Variants in FLI1 observed in about 807,000 individuals in gnomAD.
The protein encoded by FLI1 is Friend leukemia integration 1 transcription factor.
A neutral mutation model predicts 53.1 loss-of-function variants in FLI1; 13 were observed. That is an observed-to-expected ratio of 0.24 (90% confidence interval 0.16 to 0.39). The LOEUF is 0.39. FLI1 is among the 10% of genes least tolerant of loss of function. FLI1 has a pLI of 1.00. For synonymous variants in FLI1, 244 were observed against 236.7 expected (o/e 1.03, Z -0.28); for missense variants, 424 against 600.5 (o/e 0.71, Z 3.07).
chr11:128,799,596 T>C (rs1182722624), intron 5 of FLI1, among the ~76,000 whole-genome samples: 1 of 152,184 alleles, frequency 6.6e-6, no homozygotes, highest in Non-Finnish European at 1.5e-5. Context: ...TTCGAAGTCC[T>C]ATCTCCTAAC....
intron 6 of FLI1, 54 bp downstream of exon 6, chr11:128,805,485 T>C (rs991293910): frequency 8.9e-7 from 1 of 1,129,670 alleles, no homozygotes; most frequent in Non-Finnish European, 1.3e-6. Flanking sequence ...GAGGACAGGA[T>C]TGGAGAACAG....
chr11:128,741,768 A>G (rs1176815173), intron 1 of FLI1, among the ~76,000 whole-genome samples: 2 of 152,164 alleles, frequency 1.3e-5, no homozygotes, highest in East Asian at 1.9e-4. Flanking sequence ...CTGTCCTCTG[A>G]AATCCCTTCC....
chr11:128,745,751 C>G (rs1264214231), intron 1 of FLI1, among the ~76,000 whole-genome samples: 1 of 152,224 alleles, frequency 6.6e-6, no homozygotes, highest in South Asian at 2.1e-4. Context: ...GGCTTGTGTG[C>G]GTGAGGCAGG....
intron 5 of FLI1, among the ~76,000 whole-genome samples, chr11:128,801,190 T>C (rs61910582): frequency 2.5e-3 from 386 of 152,350 alleles, no homozygotes; most frequent in South Asian, 6.4e-3. Flanking sequence ...CTTCTTCTCA[T>C]AGCAGGCACA....
intron 1 of FLI1, among the ~76,000 whole-genome samples, chr11:128,733,745 G>A (rs549902824): frequency 6.6e-5 from 10 of 152,348 alleles, no homozygotes; most frequent in African/African-American, 2.2e-4. Flanking sequence ...TTTCTCTGTT[G>A]TGCCCATCTG....
At chr11:128,712,911 C>T (rs1039406773) in intron 1 of FLI1, among the ~76,000 whole-genome samples, 1 of 152,238 alleles carries the variant, frequency 6.6e-6, no homozygotes, top group African/African-American at 2.4e-5. Flanking sequence ...TGCTACACCT[C>T]CTGTGGTTTT....
chr11:128,701,860 A>T (rs1014483222), intron 1 of FLI1, among the ~76,000 whole-genome samples: 4 of 152,186 alleles, frequency 2.6e-5, no homozygotes, highest in African/African-American at 9.6e-5. Flanking sequence ...ATTTCTAGAC[A>T]TTGTGTGGGT....
chr11:128,699,946 C>T (rs1938253806), intron 1 of FLI1, among the ~76,000 whole-genome samples: 1 of 152,182 alleles, frequency 6.6e-6, no homozygotes, highest in South Asian at 2.1e-4. Flanking sequence ...GTCTGTTAGG[C>T]AGGGACTAAA....
At chr11:128,799,555 G>A (rs144253434) in intron 5 of FLI1, among the ~76,000 whole-genome samples, 3 of 152,274 alleles carry the variant, frequency 2.0e-5, no homozygotes, top group East Asian at 1.9e-4. Context: ...GGCCAATGGC[G>A]GAGCTGGGAT....
At chr11:128,687,473 C>G (rs1179389726) in intron 1 of FLI1, among the ~76,000 whole-genome samples, 1 of 152,118 alleles carries the variant, frequency 6.6e-6, no homozygotes, top group Non-Finnish European at 1.5e-5. Flanking sequence ...GGACCCAAAG[C>G]TTAGGACCAT....
At chr11:128,766,701 C>T (rs1941352940) in intron 2 of FLI1, among the ~76,000 whole-genome samples, 1 of 151,834 alleles carries the variant, frequency 6.6e-6, no homozygotes, top group African/African-American at 2.4e-5. Context: ...GGGTGGGTCC[C>T]TATCTGGTAC....
At chr11:128,687,721 T>G (rs1937604113) in intron 1 of FLI1, among the ~76,000 whole-genome samples, 1 of 152,142 alleles carries the variant, frequency 6.6e-6, no homozygotes, top group Non-Finnish European at 1.5e-5. Flanking sequence ...TTGCCAATTA[T>G]GCGTCCAACC....
chr11:128,809,102 C>T lies in FLI1; in HGVS notation c.782-55C>T, dbSNP rs975963159. On this transcript the variant is annotated intron_variant, in intron 7 of 8. Coordinates refer to ENST00000527786, the MANE Select transcript of FLI1 (RefSeq NM_002017.5). ...CCTTATGGTTTTCTTATGGTTGGTA[C>T]GGTTGTCATATTTTTTAAAAACACT... The T allele has an allele frequency of 1.0e-5, 14 of 1,385,878 alleles. No individual in the cohort carries two copies. In the African/African-American group the frequency reaches 1.3e-4, roughly 13 times the overall value. 85.8% of individuals were successfully genotyped at this position (1,385,878 alleles called of 1,614,324 possible).
chr11:128,718,132 T>G (rs907689091), intron 1 of FLI1, among the ~76,000 whole-genome samples: 3 of 152,236 alleles, frequency 2.0e-5, no homozygotes, highest in Non-Finnish European at 4.4e-5. Context: ...AGCCACTACC[T>G]GGAATATGTC....
intron 1 of FLI1, among the ~76,000 whole-genome samples, chr11:128,725,094 G>A (rs1046583629): frequency 1.3e-5 from 2 of 152,174 alleles, no homozygotes; most frequent in Admixed American, 6.5e-5. Flanking sequence ...ACCACCACAA[G>A]TACCAGTGGA....
At chr11:128,687,950 G>T (rs928697473) in intron 1 of FLI1, among the ~76,000 whole-genome samples, 5 of 152,216 alleles carry the variant, frequency 3.3e-5, no homozygotes, top group African/African-American at 1.2e-4. Context: ...ATGACTCCCA[G>T]GAGGTTACAG....
At chr11:128,687,493 T>TC (rs1420512651) in intron 1 of FLI1, among the ~76,000 whole-genome samples, 1 of 152,064 alleles carries the variant, frequency 6.6e-6, no homozygotes, top group Non-Finnish European at 1.5e-5. Flanking sequence ...TCTGAGTCAG[T>TC]CCGAGAGCGG....
chr11:128,766,266 G>A (rs1941336188), intron 2 of FLI1, among the ~76,000 whole-genome samples: 1 of 152,170 alleles, frequency 6.6e-6, no homozygotes, highest in Non-Finnish European at 1.5e-5. Context: ...AAACGCTGGT[G>A]AAAAGTCCTG....
chr11:128,768,513 T>A, intron 3 of FLI1: 2 of 366,870 alleles, frequency 5.5e-6, no homozygotes, highest in Non-Finnish European at 9.3e-6. Flanking sequence ...ACCTCATCTC[T>A]ACTAAAAAAA....
Sources: gnomAD v4.1 joint callset for allele counts (sites outside exome capture counted in the v4.1 genomes callset) on GRCh38, gnomAD v4.1.1 for gene constraint, MANE v1.5 for transcripts, NCBI Gene and HGNC (gene_info 2026-07-23, HGNC 2026-07-21) for gene names.